The following FBXO11 variants were observed in gnomAD, a reference collection of about 807,000 sequenced individuals.
FBXO11 encodes F-box only protein 11.
Under a neutral mutation model 117.0 loss-of-function variants are expected in FBXO11, and 13 were observed. The observed-to-expected ratio is 0.11, with a 90% confidence interval of 0.07 to 0.18. The LOEUF is 0.18. FBXO11 is among the 10% of genes least tolerant of loss of function. The pLI is 1.00. For synonymous variants in FBXO11, 490 were observed against 380.5 expected, an observed-to-expected ratio of 1.29 and a Z score of -3.35; for missense variants, 767 against 1,164.4, an observed-to-expected ratio of 0.66 and a Z score of 4.97.
At chr2:47,820,229 TCTAA>T (rs1671286869) in intron 14 of FBXO11, 129 bp downstream of exon 14, 3 of 479,188 alleles carry the variant, frequency 6.3e-6, no homozygotes, top group African/African-American at 1.9e-5. Flanking sequence ...GTTATTTTTG[TCTAA>T]CTATTAAAGA....
intron 1 of FBXO11, among the ~76,000 whole-genome samples, chr2:47,854,082 G>C (rs1558444190): frequency 6.6e-6 from 1 of 152,192 alleles, no homozygotes; most frequent in Non-Finnish European, 1.5e-5. Flanking sequence ...CAGTTTCAAA[G>C]TATGTATCAC....
chr2:47,848,621 A>T (rs1673604507), intron 1 of FBXO11, among the ~76,000 whole-genome samples: 1 of 152,216 alleles, frequency 6.6e-6, no homozygotes, highest in Admixed American at 6.5e-5. Flanking sequence ...TAATTTCTAG[A>T]TTTTACTACA....
At chr2:47,827,171 G>A (rs1184042996) in intron 11 of FBXO11, among the ~76,000 whole-genome samples, 1 of 152,150 alleles carries the variant, frequency 6.6e-6, no homozygotes, top group Non-Finnish European at 1.5e-5. Context: ...AAAATGAGAA[G>A]CCTCTACATT....
chr2:47,809,832 A>T, intron 19 of FBXO11, 125 bp from the exon 20 acceptor site: 3 of 606,644 alleles, frequency 4.9e-6, no homozygotes, highest in South Asian at 4.3e-5. Flanking sequence ...ATGTCTACTG[A>T]ATAAAATGTA....
intron 1 of FBXO11, among the ~76,000 whole-genome samples, chr2:47,867,444 T>C (rs1675280011): frequency 6.6e-6 from 1 of 152,196 alleles, no homozygotes; most frequent in South Asian, 2.1e-4. Context: ...TTCACAACTC[T>C]TTGGTCAGAA....
chr2:47,906,357 G>A lies in FBXO11; in HGVS notation c.-637C>T, dbSNP rs939223025. On this transcript the variant is annotated 5_prime_UTR_variant, in exon 1 of 23. Coordinates refer to ENST00000403359, the MANE Select transcript of FBXO11 (RefSeq NM_001190274.2). ...AGGGGAAATGAGTGTGAAGGGAGGAGATAGGGGGAAAAAGAGGCGTCGTCC... is the reference window on the plus strand; with the variant it reads ...AGGGGAAATGAGTGTGAAGGGAGGAAATAGGGGGAAAAAGAGGCGTCGTCC... Among the ~76,000 whole-genome samples the A allele has an allele frequency of 1.3e-5, 2 of 152,140 alleles. No individual in the cohort carries two copies. The highest frequency in any genetic ancestry group is 2.4e-5 in the African/African-American group (1 of 41,434).
intron 1 of FBXO11, among the ~76,000 whole-genome samples, chr2:47,864,292 T>C (rs771296751): frequency 2.0e-5 from 3 of 152,100 alleles, no homozygotes; most frequent in Admixed American, 6.5e-5. Context: ...AACTCATAAT[T>C]AAAGACAGGA....
Position 47,807,988 on chromosome 2 carries a change from A to T in FBXO11, c.*130T>A. On this transcript the variant is annotated 3_prime_UTR_variant, in exon 23 of 23. Coordinates refer to ENST00000403359, the MANE Select transcript of FBXO11 (RefSeq NM_001190274.2). ...TGGTAGCTTGAGCTTCATAGTGTCA[A>T]CTGACCTTGTGTATCCATTTTTAAT... 2 of 819,478 alleles carry T rather than the reference A, an allele frequency of 2.4e-6. No individual in the cohort carries two copies. The highest frequency in any genetic ancestry group is 3.8e-6 in the Non-Finnish European group (2 of 520,368). The allele number at this position is 819,478 out of a possible 1,614,324, so 50.8% of individuals were successfully genotyped here.
intron 21 of FBXO11, chr2:47,808,657 T>A (rs1003121921): frequency 2.4e-6 from 1 of 422,802 alleles, no homozygotes; most frequent in African/African-American, 2.0e-5. Flanking sequence ...TAAAGGCAGT[T>A]CTTTCCACTT....
At chr2:47,888,150 G>C (rs375045905) in intron 1 of FBXO11, among the ~76,000 whole-genome samples, 3 of 152,310 alleles carry the variant, frequency 2.0e-5, no homozygotes, top group Non-Finnish European at 4.4e-5. Context: ...TTCTGAGAGA[G>C]TATTCCATGC....
At chr2:47,865,394 G>C (rs1019392703) in intron 1 of FBXO11, among the ~76,000 whole-genome samples, 2 of 152,230 alleles carry the variant, frequency 1.3e-5, no homozygotes, top group Non-Finnish European at 2.9e-5. Context: ...AAGAAAGAAA[G>C]AAGGCCCTTC....
chr2:47,889,990 A>T (rs1677141585), intron 1 of FBXO11, among the ~76,000 whole-genome samples: 1 of 152,228 alleles, frequency 6.6e-6, no homozygotes, highest in Admixed American at 6.5e-5. Context: ...ACAGTCGCAA[A>T]CTTATCCTGG....
chr2:47,857,166 C>T (rs1674362877), intron 1 of FBXO11, among the ~76,000 whole-genome samples: 1 of 152,190 alleles, frequency 6.6e-6, no homozygotes, highest in Admixed American at 6.5e-5. Flanking sequence ...GCATACCTAA[C>T]AGTGCATGTG....
intron 14 of FBXO11, 131 bp downstream of exon 14, chr2:47,820,231 T>A (rs1671287040): frequency 6.2e-6 from 3 of 483,686 alleles, no homozygotes; most frequent in Non-Finnish European, 1.1e-5. Flanking sequence ...TATTTTTGTC[T>A]AACTATTAAA....
intron 16 of FBXO11, 103 bp from the exon 17 acceptor site, chr2:47,813,970 A>G: frequency 1.2e-6 from 1 of 859,770 alleles, no homozygotes; most frequent in Non-Finnish European, 1.9e-6. Context: ...GTCACTTAGT[A>G]AGAATTAACT....
chr2:47,863,724 TG>T (rs765581148), intron 1 of FBXO11, among the ~76,000 whole-genome samples: 3 of 152,148 alleles, frequency 2.0e-5, no homozygotes, highest in Admixed American at 6.5e-5. Context: ...GCAGATCACT[TG>T]AAGTCAGGAG....
At chr2:47,901,865 T>C (rs879721504) in intron 1 of FBXO11, among the ~76,000 whole-genome samples, 2 of 152,144 alleles carry the variant, frequency 1.3e-5, no homozygotes, top group South Asian at 2.1e-4. Context: ...AAAACAAATA[T>C]CAAAAATCCA....
At chr2:47,865,062 A>T (rs1380285442) in intron 1 of FBXO11, among the ~76,000 whole-genome samples, 1 of 152,230 alleles carries the variant, frequency 6.6e-6, no homozygotes, top group Non-Finnish European at 1.5e-5. Flanking sequence ...TTCCACAGGA[A>T]TTAACAGAGT....
chr2:47,858,799 C>T (rs185450296), intron 1 of FBXO11, among the ~76,000 whole-genome samples: 20 of 151,522 alleles, frequency 1.3e-4, no homozygotes, highest in Non-Finnish European at 2.7e-4. Context: ...AATGCCAGCA[C>T]CTTGGGAGGC....
Sources: allele counts gnomAD v4.1 joint callset (sites outside exome capture counted in the v4.1 genomes callset), GRCh38; gene constraint gnomAD v4.1.1; transcripts MANE v1.5; gene names NCBI Gene and HGNC (gene_info 2026-07-23, HGNC 2026-07-21).